The following CTNNA2 variants were observed in gnomAD, a reference collection of about 807,000 sequenced individuals.
CTNNA2 encodes catenin alpha 2.
CTNNA2 carries 42 observed loss-of-function variants against 101.0 expected under a neutral mutation model. The ratio of observed to expected loss-of-function variants is 0.42; its 90% confidence interval spans 0.32 to 0.54. The LOEUF (loss-of-function observed/expected upper bound fraction) is 0.54, where lower values mean the gene tolerates loss of function less well. Among genes scored for constraint, CTNNA2 ranks in the 20% least tolerant of loss-of-function variants. The pLI is 0.14. For missense variants in CTNNA2, 871 were observed against 1,223.1 expected (o/e 0.71, Z 4.29); for synonymous variants, 450 against 456.4 (o/e 0.99, Z 0.18).
chr2:80,056,548 T>C (rs1276592760), intron 7 of CTNNA2, among the ~76,000 whole-genome samples: 2 of 152,218 alleles, frequency 1.3e-5, no homozygotes, highest in African/African-American at 4.8e-5. Flanking sequence ...GGATCAAGCC[T>C]CAGCGATCCT....
At chr2:80,594,821 TTATATA>T (rs142206436) in intron 15 of CTNNA2, among the ~76,000 whole-genome samples, 3,628 of 151,328 alleles carry the variant, frequency 0.024, 87 homozygotes, top group South Asian at 0.13. Context: ...TCATTTGACC[TTATATA>T]TATATATAAG....
At chr2:79,935,371 T>C (rs987642387) in intron 7 of CTNNA2, among the ~76,000 whole-genome samples, 1 of 152,082 alleles carries the variant, frequency 6.6e-6, no homozygotes, top group Non-Finnish European at 1.5e-5. Context: ...TTTTTAACTT[T>C]TTATTTGGAA....
At chr2:80,327,540 A>G (rs1356749004) in intron 7 of CTNNA2, among the ~76,000 whole-genome samples, 1 of 152,228 alleles carries the variant, frequency 6.6e-6, no homozygotes, top group African/African-American at 2.4e-5. Flanking sequence ...ACAAAAAAAA[A>G]AGCAAAGTTG....
intron 7 of CTNNA2, among the ~76,000 whole-genome samples, chr2:80,043,027 CTT>C (rs1696183603): frequency 1.9e-5 from 1 of 52,820 alleles, no homozygotes. Context: ...CCCTTTCTTT[CTT>C]TCTTTCTTTC....
intron 7 of CTNNA2, among the ~76,000 whole-genome samples, chr2:80,335,490 A>T (rs1011816514): frequency 1.3e-5 from 2 of 152,148 alleles, no homozygotes; most frequent in East Asian, 3.9e-4. Flanking sequence ...CTGAAAGTAC[A>T]GCGCAGTGTA....
intron 1 of CTNNA2, among the ~76,000 whole-genome samples, chr2:79,517,038 A>C (rs997224475): frequency 6.6e-6 from 1 of 152,094 alleles, no homozygotes; most frequent in Non-Finnish European, 1.5e-5. Flanking sequence ...GTGCTCTTTC[A>C]GTTTTGTGGC....
intron 4 of CTNNA2, among the ~76,000 whole-genome samples, chr2:79,413,287 A>G (rs189658705): frequency 5.4e-4 from 82 of 152,152 alleles, no homozygotes; most frequent in Non-Finnish European, 6.3e-4. Context: ...TAGAGTCTAT[A>G]TACAGTGAGA....
intron 3 of CTNNA2, among the ~76,000 whole-genome samples, chr2:79,834,355 T>C (rs72916654): frequency 0.021 from 3,198 of 152,226 alleles, 147 homozygotes; most frequent in African/African-American, 0.073. Context: ...GTAGATATTC[T>C]CTGAAGTAGT....
chr2:80,403,829 A>G (rs563028629), intron 8 of CTNNA2, among the ~76,000 whole-genome samples: 23 of 152,160 alleles, frequency 1.5e-4, no homozygotes, highest in Non-Finnish European at 3.2e-4. Flanking sequence ...GGGATGTTGA[A>G]TTTTGTCGAA....
At chr2:79,312,083 A>T (rs909450084) in intron 2 of CTNNA2, among the ~76,000 whole-genome samples, 5 of 151,964 alleles carry the variant, frequency 3.3e-5, no homozygotes, top group African/African-American at 1.2e-4. Flanking sequence ...AAAAAAAAAA[A>T]ATTGTAGAGA....
At chr2:79,267,606 CAGACTGATCACTA>C (rs1420078336) in intron 2 of CTNNA2, among the ~76,000 whole-genome samples, 2 of 152,124 alleles carry the variant, frequency 1.3e-5, no homozygotes, top group Middle Eastern at 3.2e-3. Flanking sequence ...TTCTCTCTTA[CAGACTGATCACTA>C]AGGTCAAGTT....
intron 7 of CTNNA2, among the ~76,000 whole-genome samples, chr2:80,305,755 G>A (rs1054111776): frequency 4.6e-5 from 7 of 152,070 alleles, no homozygotes; most frequent in African/African-American, 1.7e-4. Context: ...CTGCCCTGGG[G>A]AGGGTCAGTT....
chr2:79,822,185 G>GTT (rs57916010), intron 3 of CTNNA2, among the ~76,000 whole-genome samples: 1 of 147,720 alleles, frequency 6.8e-6, no homozygotes, highest in Non-Finnish European at 1.5e-5. Flanking sequence ...GATTCCAACG[G>GTT]TTTTTTTTTT....
intron 3 of CTNNA2, among the ~76,000 whole-genome samples, chr2:79,837,572 G>T (rs950060496): frequency 1.3e-5 from 2 of 152,066 alleles, no homozygotes; most frequent in African/African-American, 4.8e-5. Flanking sequence ...AAATGAGCAT[G>T]GCAGAGGTGT....
chr2:80,100,118 G>C (rs750357865), intron 7 of CTNNA2, among the ~76,000 whole-genome samples: 5 of 151,970 alleles, frequency 3.3e-5, no homozygotes, highest in Non-Finnish European at 7.4e-5. Flanking sequence ...ATTTTTAGTA[G>C]AGATGGGGTT....
intron 4 of CTNNA2, among the ~76,000 whole-genome samples, chr2:79,498,585 C>T (rs779446426): frequency 9.0e-4 from 137 of 151,890 alleles, no homozygotes; most frequent in Middle Eastern, 3.4e-3. Context: ...ACCGCTGCCT[C>T]GGAGCAATTA....
intron 1 of CTNNA2, among the ~76,000 whole-genome samples, chr2:79,642,313 G>A (rs559551354): frequency 5.9e-5 from 9 of 152,280 alleles, no homozygotes; most frequent in African/African-American, 2.2e-4. Context: ...TTTAGCAATA[G>A]CGGAGATACC....
intron 2 of CTNNA2, among the ~76,000 whole-genome samples, chr2:79,688,996 T>G (rs933318614): frequency 2.6e-5 from 4 of 151,916 alleles, no homozygotes. Flanking sequence ...ACTGGAATCA[T>G]CTGGAGGGGT....
chr2:80,494,308 A>T (rs995849400), intron 9 of CTNNA2, among the ~76,000 whole-genome samples: 1 of 152,242 alleles, frequency 6.6e-6, no homozygotes, highest in African/African-American at 2.4e-5. Context: ...GTCACTGGAC[A>T]GGAAGCACAC....
Sources: gnomAD v4.1 joint callset for allele counts (sites outside exome capture counted in the v4.1 genomes callset) on GRCh38, gnomAD v4.1.1 for gene constraint, MANE v1.5 for transcripts, NCBI Gene and HGNC (gene_info 2026-07-23, HGNC 2026-07-21) for gene names.